Variants in SPMIP2 observed in about 807,000 individuals in gnomAD.
SPMIP2 encodes the protein protein SPMIP2.
At chr4:158,947,423 C>T in the SPMIP2 span, among the ~76,000 whole-genome samples, 1 of 152,174 alleles carries the variant, frequency 6.6e-6, no homozygotes, top group Non-Finnish European at 1.5e-5. Context: ...AATACAGGCA[C>T]ACCTTACACC....
At chr4:158,933,027 A>G in the SPMIP2 span, among the ~76,000 whole-genome samples, 289 of 152,320 alleles carry the variant, frequency 1.9e-3, 9 homozygotes, top group Admixed American at 0.019. Flanking sequence ...TGTTAATTAC[A>G]GAGTCTCGCT....
chr4:158,927,915 C>T, the SPMIP2 span, among the ~76,000 whole-genome samples: 6 of 152,228 alleles, frequency 3.9e-5, no homozygotes, highest in South Asian at 2.1e-4. Context: ...CTCGATTTCT[C>T]GGCGGGCCTT....
At chr4:159,043,934 G>C in the SPMIP2 span, among the ~76,000 whole-genome samples, 2 of 152,156 alleles carry the variant, frequency 1.3e-5, no homozygotes, top group African/African-American at 4.8e-5. Flanking sequence ...TCCCCAAAGA[G>C]AGTCTTATAA....
At chr4:158,955,926 A>G in the SPMIP2 span, among the ~76,000 whole-genome samples, 1 of 152,222 alleles carries the variant, frequency 6.6e-6, no homozygotes, top group Non-Finnish European at 1.5e-5. Context: ...GCATTATGTC[A>G]GTAGACAAAC....
At chr4:159,030,254 A>G in the SPMIP2 span, among the ~76,000 whole-genome samples, 1 of 152,090 alleles carries the variant, frequency 6.6e-6, no homozygotes. Flanking sequence ...CTCTACAAAA[A>G]TACAAAAATT....
the SPMIP2 span, chr4:158,895,915 C>T: frequency 1.5e-6 from 2 of 1,331,792 alleles, no homozygotes; most frequent in African/African-American, 1.4e-5. Context: ...GTATCCCTAG[C>T]ATTGTACCCA....
the SPMIP2 span, among the ~76,000 whole-genome samples, chr4:159,048,162 G>A: frequency 1.3e-5 from 2 of 152,116 alleles, no homozygotes; most frequent in Non-Finnish European, 2.9e-5. Context: ...TCCAAAGCAT[G>A]GTATTTGAGA....
At chr4:159,042,955 C>T in the SPMIP2 span, among the ~76,000 whole-genome samples, 2,952 of 152,098 alleles carry the variant, frequency 0.019, 104 homozygotes, top group African/African-American at 0.067. Context: ...TCATCTACCG[C>T]GCCTAGCCTA....
the SPMIP2 span, among the ~76,000 whole-genome samples, chr4:159,051,136 T>C: frequency 6.6e-6 from 1 of 151,696 alleles, no homozygotes; most frequent in Non-Finnish European, 1.5e-5. Context: ...ATCTTAAAGA[T>C]GTTTCCAAAA....
chr4:159,015,090 G>C, the SPMIP2 span, among the ~76,000 whole-genome samples: 2 of 152,232 alleles, frequency 1.3e-5, no homozygotes, highest in African/African-American at 2.4e-5. Context: ...CTGCAAGACT[G>C]TAAATAATTT....
chr4:158,896,215 C>T, the SPMIP2 span, among the ~76,000 whole-genome samples: 2 of 152,152 alleles, frequency 1.3e-5, no homozygotes, highest in Non-Finnish European at 2.9e-5. Flanking sequence ...GCAGCAGCAG[C>T]TTGTGTTTAC....
chr4:159,002,703 G>C, the SPMIP2 span, among the ~76,000 whole-genome samples: 1 of 151,948 alleles, frequency 6.6e-6, no homozygotes, highest in Non-Finnish European at 1.5e-5. Context: ...GGCACCATTT[G>C]TAAAAGACTA....
chr4:159,036,534 C>T, the SPMIP2 span, among the ~76,000 whole-genome samples: 1 of 152,212 alleles, frequency 6.6e-6, no homozygotes, highest in African/African-American at 2.4e-5. Context: ...GTCCTGCTTC[C>T]TCACCTTTCC....
At chr4:159,006,596 T>G in the SPMIP2 span, among the ~76,000 whole-genome samples, 6 of 152,206 alleles carry the variant, frequency 3.9e-5, no homozygotes, top group Admixed American at 1.3e-4. Context: ...TTGGTCATAT[T>G]ACGGCTTTGA....
chr4:158,972,940 T>G, the SPMIP2 span: 1 of 627,568 alleles, frequency 1.6e-6, no homozygotes. Flanking sequence ...TATTCACACA[T>G]GTGTCTTTCT....
chr4:159,069,960 C>G, the SPMIP2 span, among the ~76,000 whole-genome samples: 17 of 151,846 alleles, frequency 1.1e-4, no homozygotes, highest in Non-Finnish European at 1.8e-4. Flanking sequence ...CCACAGAGAA[C>G]TAAGCATGTA....
At chr4:158,990,427 C>T in the SPMIP2 span, among the ~76,000 whole-genome samples, 4,420 of 152,204 alleles carry the variant, frequency 0.029, 206 homozygotes, top group African/African-American at 0.097. Flanking sequence ...CACATGCACA[C>T]GTATGGTTAT....
At chr4:159,045,262 A>G in the SPMIP2 span, among the ~76,000 whole-genome samples, 72 of 152,370 alleles carry the variant, frequency 4.7e-4, no homozygotes, top group East Asian at 0.013. Flanking sequence ...TTGTCTAATT[A>G]CTATAAAAAG....
the SPMIP2 span, among the ~76,000 whole-genome samples, chr4:158,926,609 A>G: frequency 6.6e-6 from 1 of 152,160 alleles, no homozygotes; most frequent in African/African-American, 2.4e-5. Flanking sequence ...AGAAAGTTCC[A>G]TGAGCACTTG....
Sources: gnomAD v4.1 joint callset for allele counts (sites outside exome capture counted in the v4.1 genomes callset) on GRCh38, gnomAD v4.1.1 for gene constraint, MANE v1.5 for transcripts, NCBI Gene and HGNC (gene_info 2026-07-23, HGNC 2026-07-21) for gene names.